The following NDST4 variants were observed in gnomAD, a reference collection of about 807,000 sequenced individuals.
The protein encoded by NDST4 is N-heparan sulfate sulfotransferase 4.
In NDST4, 63 loss-of-function variants were observed where a neutral mutation model predicts 100.8. The ratio of observed to expected loss-of-function variants is 0.62; its 90% CI spans 0.51 to 0.77. The LOEUF is 0.77. NDST4 is among the 30% of genes least tolerant of loss of function. The pLI, the probability that NDST4 is intolerant of heterozygous loss-of-function variation, is 0.00. For synonymous variants in NDST4, 377 were observed against 361.8 expected (o/e 1.04, Z -0.48); for missense variants, 943 against 1,018.4 (o/e 0.93, Z 1.01).
intron 6 of NDST4, among the ~76,000 whole-genome samples, chr4:114,916,898 TA>T (rs138329406): frequency 0.074 from 11,182 of 151,778 alleles, 611 homozygotes; most frequent in East Asian, 0.3. Flanking sequence ...TAATTTTTTT[TA>T]TTTCTCTGGA....
At chr4:115,030,956 AT>A (rs1423037385) in intron 2 of NDST4, among the ~76,000 whole-genome samples, 1 of 152,128 alleles carries the variant, frequency 6.6e-6, no homozygotes, top group Admixed American at 6.6e-5. Context: ...ACTGTAGCCA[AT>A]ATAACTAGTT....
At chr4:115,074,688 C>T (rs1233286327) in intron 2 of NDST4, among the ~76,000 whole-genome samples, 1 of 152,000 alleles carries the variant, frequency 6.6e-6, no homozygotes. Context: ...AAAAAGTGAA[C>T]TTATTCTACT....
chr4:114,931,487 G>T (rs1725513208), intron 6 of NDST4, among the ~76,000 whole-genome samples: 1 of 150,682 alleles, frequency 6.6e-6, no homozygotes, highest in Non-Finnish European at 1.5e-5. Flanking sequence ...AAAGTCAGCA[G>T]AAAGAAGAAA....
intron 4 of NDST4, among the ~76,000 whole-genome samples, chr4:114,953,406 G>A (rs1726065483): frequency 6.6e-6 from 1 of 152,076 alleles, no homozygotes; most frequent in South Asian, 2.1e-4. Flanking sequence ...GCAAGAGAAA[G>A]TTATCAATCT....
At chr4:114,969,376 TA>T in intron 4 of NDST4, among the ~76,000 whole-genome samples, 1 of 143,368 alleles carries the variant, frequency 7.0e-6, no homozygotes, top group Non-Finnish European at 1.5e-5. Flanking sequence ...GTTTATGATA[TA>T]GATAAATTGT....
chr4:114,891,257 T>A (rs909232026), intron 6 of NDST4, among the ~76,000 whole-genome samples: 1 of 152,092 alleles, frequency 6.6e-6, no homozygotes, highest in African/African-American at 2.4e-5. Context: ...TATTTTTTTA[T>A]ACAATATCCT....
At chr4:115,006,631 C>T (rs1040938856) in intron 2 of NDST4, among the ~76,000 whole-genome samples, 7 of 151,940 alleles carry the variant, frequency 4.6e-5, no homozygotes, top group East Asian at 1.9e-4. Flanking sequence ...GAAAAGATGA[C>T]GGTATCTTTT....
rs1024146533 is a variant in NDST4 at position 114,937,929 on chromosome 4, T to C, written c.1222-426A>G. The stretch of plus-strand genomic sequence containing the variant: ...TTGAAGAAAATCAGAAAGGTAACTA[T>C]GAATAATGAAGTGATGAGCTTTTAC... On this transcript the variant is annotated intron_variant, in intron 4 of 13. Coordinates refer to ENST00000264363, the MANE Select transcript of NDST4 (RefSeq NM_022569.3). Among the ~76,000 whole-genome samples the C allele has an allele frequency of 4.6e-5, 7 of 152,030 alleles. 1 individual carries two copies. Among genetic ancestry groups the C allele is most frequent in the African/African-American group, 1.2e-4 (5 of 41,368 alleles).
intron 1 of NDST4, among the ~76,000 whole-genome samples, chr4:115,098,082 A>G (rs992988017): frequency 1.3e-5 from 2 of 152,148 alleles, no homozygotes; most frequent in Non-Finnish European, 2.9e-5. Context: ...CTAACAATCT[A>G]TTACACCATA....
At chr4:114,884,608 A>G (rs182372025) in intron 6 of NDST4, among the ~76,000 whole-genome samples, 1 of 152,264 alleles carries the variant, frequency 6.6e-6, no homozygotes, top group African/African-American at 2.4e-5. Flanking sequence ...TTATGTCTAC[A>G]TTAAAGCTTG....
intron 6 of NDST4, among the ~76,000 whole-genome samples, chr4:114,892,769 GTTTA>G (rs984594877): frequency 4.0e-5 from 6 of 151,724 alleles, no homozygotes; most frequent in East Asian, 1.9e-4. Flanking sequence ...GGCAGTCATA[GTTTA>G]TTTATTTATT....
chr4:114,846,923 T>C (rs1326025708), intron 9 of NDST4, among the ~76,000 whole-genome samples: 2 of 152,180 alleles, frequency 1.3e-5, no homozygotes, highest in Non-Finnish European at 2.9e-5. Context: ...CTGCTTTTAA[T>C]AACCTGCATG....
intron 6 of NDST4, among the ~76,000 whole-genome samples, chr4:114,929,054 GTCCGTCCGTCCGTCCGTCCGTCCA>G (rs1725445744): frequency 1.1e-5 from 1 of 93,448 alleles, no homozygotes; most frequent in Non-Finnish European, 2.7e-5. Flanking sequence ...CCGTCCGTCC[GTCCGTCCGTCCGTCCGTCCGTCCA>G]TCCATCCATC....
chr4:115,000,338 AT>A (rs999712444), intron 2 of NDST4, among the ~76,000 whole-genome samples: 8 of 151,160 alleles, frequency 5.3e-5, no homozygotes, highest in South Asian at 4.2e-4. Flanking sequence ...TTAACCTTTC[AT>A]TTTTTTTTAT....
intron 6 of NDST4, among the ~76,000 whole-genome samples, chr4:114,923,310 A>C (rs991975411): frequency 2.1e-4 from 32 of 152,332 alleles, no homozygotes; most frequent in Admixed American, 2.1e-3. Flanking sequence ...AACCAGAGGG[A>C]CATAAAATAG....
chr4:114,894,010 G>C (rs1724659203), intron 6 of NDST4, among the ~76,000 whole-genome samples: 1 of 152,092 alleles, frequency 6.6e-6, no homozygotes, highest in African/African-American at 2.4e-5. Flanking sequence ...TTTCCCCATT[G>C]CTTGTTTTTG....
At chr4:114,973,611 C>A (rs1338123087) in intron 3 of NDST4, among the ~76,000 whole-genome samples, 2 of 151,594 alleles carry the variant, frequency 1.3e-5, no homozygotes, top group East Asian at 3.9e-4. Context: ...AAGTTTGTTT[C>A]TTTACTATCA....
At chr4:114,900,245 C>T (rs191459160) in intron 6 of NDST4, among the ~76,000 whole-genome samples, 5 of 151,778 alleles carry the variant, frequency 3.3e-5, no homozygotes, top group African/African-American at 7.2e-5. Context: ...TAACTATAGG[C>T]GTATTACTCT....
rs779267158 is a variant in NDST4 at position 115,076,549 on chromosome 4, C to G, written c.488G>C (p.Gly163Ala). 1 of 1,613,946 alleles carries G rather than the reference C, an allele frequency of 6.2e-7. No individual in the cohort carries two copies. The highest frequency in any genetic ancestry group is 1.1e-5 in the South Asian group (1 of 91,082). The change falls in exon 2 of 14, where the codon GGT becomes GCT. Residue 163 changes from glycine (G) to alanine (A), a missense_variant. By Grantham distance (60) the Gly-to-Ala change is moderately conservative (BLOSUM62 0). Around this residue, in one of 2 missense-constraint regions of NDST4, gnomAD observed 417 missense variants for 384.2 expected, o/e 1.09. Coordinates refer to ENST00000264363, the MANE Select transcript of NDST4 (RefSeq NM_022569.3). ...YCVEYSVSII[G>A]FHKANENSLP... is the part of the protein sequence containing the mutation. Reference sequence around the variant, plus strand: ...GCTGTTCTCATTGGCTTTATGAAAACCGATTATACTAACACTGTATTCCAC... The same window carrying G: ...GCTGTTCTCATTGGCTTTATGAAAAGCGATTATACTAACACTGTATTCCAC...
Sources: allele counts gnomAD v4.1 joint callset (sites outside exome capture counted in the v4.1 genomes callset), GRCh38; gene constraint gnomAD v4.1.1; regional missense constraint gnomAD v4.1.1; transcripts MANE v1.5; gene names NCBI Gene and HGNC (gene_info 2026-07-23, HGNC 2026-07-21).